Variants in CADPS2 observed in about 807,000 individuals in gnomAD.
The protein encoded by CADPS2 is calcium-dependent secretion activator 2.
CADPS2 carries 93 observed loss-of-function variants against 172.5 expected under a neutral mutation model. The ratio of observed to expected loss-of-function variants is 0.54; its 90% CI spans 0.46 to 0.64. The LOEUF (loss-of-function observed/expected upper bound fraction) is 0.64. CADPS2 is among the 30% of genes least tolerant of loss of function. CADPS2 has a pLI of 0.00. For synonymous variants in CADPS2, 546 were observed against 555.2 expected (o/e 0.98, Z 0.23); for missense variants, 1,420 against 1,565.9 (o/e 0.91, Z 1.57).
chr7:122,601,821 A>G (rs1048460155), intron 6 of CADPS2, among the ~76,000 whole-genome samples: 3 of 152,178 alleles, frequency 2.0e-5, no homozygotes, highest in Middle Eastern at 6.8e-3. Flanking sequence ...CAAATTTCAA[A>G]GAGAAGGAGA....
At chr7:122,848,413 G>A (rs1036850058) in intron 1 of CADPS2, among the ~76,000 whole-genome samples, 2 of 152,166 alleles carry the variant, frequency 1.3e-5, no homozygotes, top group Non-Finnish European at 2.9e-5. Context: ...TCCTAGGGAA[G>A]AGCCCATTTA....
intron 27 of CADPS2, among the ~76,000 whole-genome samples, chr7:122,356,226 T>G (rs990996548): frequency 6.6e-6 from 1 of 152,168 alleles, no homozygotes; most frequent in Non-Finnish European, 1.5e-5. Flanking sequence ...TCTCCTACTT[T>G]CCTTCTTTTT....
chr7:122,819,066 G>T (rs1452831609), intron 1 of CADPS2, among the ~76,000 whole-genome samples: 2 of 152,274 alleles, frequency 1.3e-5, no homozygotes, highest in East Asian at 3.9e-4. Flanking sequence ...ATAGAAAAAA[G>T]TTGCAATTCC....
chr7:122,631,144 C>A (rs983981358), intron 3 of CADPS2, among the ~76,000 whole-genome samples: 2 of 152,086 alleles, frequency 1.3e-5, no homozygotes, highest in Non-Finnish European at 2.9e-5. Flanking sequence ...AACAATACTT[C>A]AAATGCACTA....
At chr7:122,704,565 T>C (rs1000497063) in intron 2 of CADPS2, among the ~76,000 whole-genome samples, 1 of 152,102 alleles carries the variant, frequency 6.6e-6, no homozygotes, top group Non-Finnish European at 1.5e-5. Context: ...GTTTAACCTG[T>C]AACTATATTT....
chr7:122,866,466 C>T (rs1818347407), intron 1 of CADPS2, among the ~76,000 whole-genome samples: 1 of 152,042 alleles, frequency 6.6e-6, no homozygotes, highest in Admixed American at 6.6e-5. Context: ...TTTGGGAGGT[C>T]GAGGTGGGTG....
At chr7:122,627,019 T>A (rs1156376194) in intron 4 of CADPS2, among the ~76,000 whole-genome samples, 1 of 152,080 alleles carries the variant, frequency 6.6e-6, no homozygotes, top group Admixed American at 6.6e-5. Context: ...GGAGGGGGTG[T>A]TCCTGAATGC....
chr7:122,566,610 G>A (rs991642857), intron 7 of CADPS2, among the ~76,000 whole-genome samples: 1 of 152,054 alleles, frequency 6.6e-6, no homozygotes, highest in African/African-American at 2.4e-5. Context: ...TTAATATAGT[G>A]ACTAAAAGAG....
At position 122,732,888 on chromosome 7, in the gene CADPS2, A is replaced by T. The variant is rs1212315452; in HGVS notation, c.453+4067T>A. ...ATATACATTATATATGCTATGTATA[A>T]TATATATTATATAATATACATTATA... On this transcript the variant is annotated intron_variant, in intron 2 of 29. Coordinates refer to ENST00000449022, the MANE Select transcript of CADPS2 (RefSeq NM_017954.11). Among the ~76,000 whole-genome samples, 3 of 145,510 alleles carry T rather than the reference A, an allele frequency of 2.1e-5. No homozygotes were observed. The East Asian group carries it at 5.9e-4, about 28-fold the overall frequency.
chr7:122,826,867 T>G (rs1805052789), intron 1 of CADPS2, among the ~76,000 whole-genome samples: 1 of 151,912 alleles, frequency 6.6e-6, no homozygotes, highest in Non-Finnish European at 1.5e-5. Flanking sequence ...ACCTAATCTC[T>G]CACGTTAAGA....
chr7:122,321,763 A>T (rs2032593039), intron 29 of CADPS2, among the ~76,000 whole-genome samples: 2 of 152,246 alleles, frequency 1.3e-5, no homozygotes, highest in Non-Finnish European at 1.5e-5. Context: ...TACAGGCGTG[A>T]GCCACAGCAC....
intron 2 of CADPS2, chr7:122,681,222 T>C: frequency 2.9e-6 from 2 of 680,922 alleles, no homozygotes; most frequent in Non-Finnish European, 5.3e-6. Context: ...GGCACATGTA[T>C]ACATATGTAA....
intron 28 of CADPS2, among the ~76,000 whole-genome samples, chr7:122,328,962 A>G (rs1436169399): frequency 6.6e-6 from 1 of 152,194 alleles, no homozygotes; most frequent in Non-Finnish European, 1.5e-5. Context: ...AGATCTTTAG[A>G]GCAAGCAACA....
At chr7:122,820,780 C>T (rs1235246678) in intron 1 of CADPS2, among the ~76,000 whole-genome samples, 1 of 135,700 alleles carries the variant, frequency 7.4e-6, no homozygotes, top group African/African-American at 2.8e-5. Context: ...AGGATGGTCT[C>T]GATCTCCTGA....
chr7:122,658,299 A>G lies in CADPS2; in HGVS notation c.786+4938T>C, dbSNP rs1227199633. Among the ~76,000 whole-genome samples, 2 of 152,238 alleles carry G rather than the reference A, an allele frequency of 1.3e-5. 1 individual carries two copies. The highest frequency in any genetic ancestry group is 3.9e-4 in the East Asian group (2 of 5,188). On this transcript the variant is annotated intron_variant, in intron 3 of 29. Transcript: ENST00000449022. The stretch of plus-strand genomic sequence containing the variant: ...ACTTTTACACTGTTGGTGGGACTGT[A>G]AACTAGTTCAACCACTGTGAAAGAC...
At chr7:122,872,982 C>G (rs932749989) in intron 1 of CADPS2, among the ~76,000 whole-genome samples, 2 of 151,872 alleles carry the variant, frequency 1.3e-5, no homozygotes, top group African/African-American at 4.8e-5. Context: ...ATAAGGAAGG[C>G]GAAGGAAGAG....
At position 122,637,140 on chromosome 7, in the gene CADPS2, G is replaced by A. The variant is rs1023606967; in HGVS notation, c.787-7812C>T. Among the ~76,000 whole-genome samples the A allele has an allele frequency of 3.3e-5, 4 of 120,702 alleles. No individual in the cohort carries two copies. The Admixed American group carries it at 3.7e-4, about 11-fold the overall frequency. The allele number at this position is 120,702 out of a possible 152,430, so 79.2% of individuals were successfully genotyped here. A position where few individuals can be genotyped will look rare whatever the true frequency, so the allele number is the denominator to read the frequency against. On this transcript the variant is annotated intron_variant, in intron 3 of 29. Transcript: ENST00000449022. ...CTTCCTCAGTTTGGACTATTCTGCT[G>A]TAATGCTTCTGACTGCATTATGAAA...
chr7:122,397,565 C>A (rs2045321926), intron 20 of CADPS2, among the ~76,000 whole-genome samples: 1 of 152,104 alleles, frequency 6.6e-6, no homozygotes, highest in Non-Finnish European at 1.5e-5. Flanking sequence ...CAGAAATACA[C>A]CCTACACTAC....
At chr7:122,488,921 T>C (rs556060419) in intron 11 of CADPS2, among the ~76,000 whole-genome samples, 1 of 152,310 alleles carries the variant, frequency 6.6e-6, no homozygotes, top group South Asian at 2.1e-4. Context: ...ACTCTATGTG[T>C]ATTACCCAGA....
Sources: allele counts gnomAD v4.1 joint callset (sites outside exome capture counted in the v4.1 genomes callset), GRCh38; gene constraint gnomAD v4.1.1; transcripts MANE v1.5; gene names NCBI Gene and HGNC (gene_info 2026-07-23, HGNC 2026-07-21).